TRAF3IP2: variants seen among roughly 807,000 people sequenced by gnomAD.
The protein encoded by TRAF3IP2 is TRAF3 interacting protein 2.
TRAF3IP2 carries 35 observed loss-of-function variants against 57.9 expected under a neutral mutation model. That is an observed-to-expected ratio of 0.60 (90% CI 0.46 to 0.80). TRAF3IP2 has a LOEUF of 0.80. Ranked by LOEUF, TRAF3IP2 falls within the 30% of genes least tolerant of loss-of-function variation. The probability of loss-of-function intolerance (pLI) is 0.00; values close to 1 mark genes in which losing one functional copy is unlikely to be tolerated. For synonymous variants in TRAF3IP2, 251 were observed against 268.9 expected (o/e 0.93, Z 0.65); for missense variants, 556 against 706.4 (o/e 0.79, Z 2.41).
chr6:111,588,491 G>A (rs1298350384), intron 2 of TRAF3IP2, among the ~76,000 whole-genome samples: 3 of 152,218 alleles, frequency 2.0e-5, no homozygotes, highest in East Asian at 1.9e-4. Flanking sequence ...CAATGGCGCT[G>A]TTTCAGCTCC....
At chr6:111,605,575 A>G (rs769112731) in intron 1 of TRAF3IP2, among the ~76,000 whole-genome samples, 1 of 152,224 alleles carries the variant, frequency 6.6e-6, no homozygotes, top group Non-Finnish European at 1.5e-5. Context: ...ATACTATACT[A>G]GCAACACATC....
chr6:111,581,505 T>C (rs1196360612), intron 2 of TRAF3IP2, among the ~76,000 whole-genome samples: 2 of 152,178 alleles, frequency 1.3e-5, no homozygotes, highest in East Asian at 3.8e-4. Flanking sequence ...TTTGATTCTT[T>C]TAAGATCAAC....
chr6:111,593,232 A>G (rs1796574578), intron 1 of TRAF3IP2, among the ~76,000 whole-genome samples: 1 of 152,262 alleles, frequency 6.6e-6, no homozygotes, highest in Admixed American at 6.5e-5. Flanking sequence ...AGTACACAGC[A>G]TACTTCAAAT....
At chr6:111,570,245 T>A (rs764373400) in intron 5 of TRAF3IP2, among the ~76,000 whole-genome samples, 24 of 152,208 alleles carry the variant, frequency 1.6e-4, no homozygotes, top group Non-Finnish European at 2.8e-4. Context: ...AATAAATTTC[T>A]ACGCTTAAGC....
At chr6:111,597,211 G>A (rs552254317) in intron 1 of TRAF3IP2, among the ~76,000 whole-genome samples, 3 of 152,200 alleles carry the variant, frequency 2.0e-5, no homozygotes, top group South Asian at 4.1e-4. Context: ...TATGTGTCAA[G>A]CACCCAAGTT....
intron 1 of TRAF3IP2, 61 bp from the exon 2 acceptor site, chr6:111,592,155 T>C (rs1277774286): frequency 7.1e-7 from 1 of 1,414,350 alleles, no homozygotes; most frequent in African/African-American, 1.4e-5. Flanking sequence ...GAGTCCTCAC[T>C]TTATGACCTT....
Position 111,569,146 on chromosome 6 carries a change from G to T in TRAF3IP2, c.1291-1454C>A, listed in dbSNP as rs73767611. 9.0e-3 allele frequency among the ~76,000 whole-genome samples: 1,374 copies of T among 152,286 alleles called. 19 individuals are homozygous for T. The highest frequency in any genetic ancestry group is 0.032 in the African/African-American group (1,311 of 41,544). ...TTAGATGACTCCTGTTTTCAAATGTGTGATGGCCAACGACTACTCTTGAGA... is the reference window on the plus strand; with the variant it reads ...TTAGATGACTCCTGTTTTCAAATGTTTGATGGCCAACGACTACTCTTGAGA... On this transcript the variant is annotated intron_variant, in intron 5 of 8. Transcript: ENST00000368761.
At chr6:111,595,900 T>C (rs1404648841) in intron 1 of TRAF3IP2, among the ~76,000 whole-genome samples, 1 of 151,812 alleles carries the variant, frequency 6.6e-6, no homozygotes, top group Non-Finnish European at 1.5e-5. Context: ...GAAAACATTC[T>C]TCCTACCTTC....
At chr6:111,595,699 G>A (rs1310835720) in intron 1 of TRAF3IP2, among the ~76,000 whole-genome samples, 18 of 152,140 alleles carry the variant, frequency 1.2e-4, no homozygotes, top group Admixed American at 6.5e-4. Flanking sequence ...ATGATGGCAG[G>A]CACCTGTAAT....
intron 4 of TRAF3IP2, 97 bp downstream of exon 4, chr6:111,575,546 C>T (rs1256894973): frequency 1.5e-6 from 2 of 1,373,780 alleles, no homozygotes; most frequent in Non-Finnish European, 2.0e-6. Flanking sequence ...TGAGATCGCA[C>T]CACTGCACTC....
In TRAF3IP2 at chr6:111,557,002, C is replaced by T. The variant is rs534871451; in HGVS notation, c.*2403G>A. ...ATTAACCAAGCATGTTGGTGCACAC[C>T]TATAGTCCCTGCTACTTGGGAGGCT... On this transcript the variant is annotated 3_prime_UTR_variant, in exon 9 of 9. Transcript: ENST00000368761. The T allele has an allele frequency of 6.8e-6, 1 of 148,090 alleles. No homozygotes were observed. The highest frequency in any genetic ancestry group is 1.5e-5 in the Non-Finnish European group (1 of 65,324). The allele number at this position is 148,090 out of a possible 1,614,324, so 9.2% of individuals were successfully genotyped here.
intron 3 of TRAF3IP2, among the ~76,000 whole-genome samples, chr6:111,578,513 C>T (rs1312489234): frequency 1.3e-5 from 2 of 152,088 alleles, no homozygotes; most frequent in Non-Finnish European, 2.9e-5. Context: ...TGGTAGCGGG[C>T]GTCTGTAGTT....
intron 2 of TRAF3IP2, among the ~76,000 whole-genome samples, chr6:111,586,126 C>A (rs1215547757): frequency 1.3e-5 from 2 of 152,162 alleles, no homozygotes. Context: ...TGCAGGAACT[C>A]CCACAGCTGT....
intron 1 of TRAF3IP2, among the ~76,000 whole-genome samples, chr6:111,598,831 A>T (rs1796773933): frequency 6.6e-6 from 1 of 152,228 alleles, no homozygotes; most frequent in African/African-American, 2.4e-5. Flanking sequence ...AACCAATGCG[A>T]ATGAGGAACT....
chr6:111,555,869 C>T lies in TRAF3IP2; in HGVS notation c.*3536G>A, dbSNP rs1387020809. On this transcript the variant is annotated 3_prime_UTR_variant, in exon 9 of 9. Coordinates refer to ENST00000368761, the MANE Select transcript of TRAF3IP2 (RefSeq NM_147686.4). ...CTGTAATCCCAGCAATTTGGGAGGC[C>T]GAGGCGGATGGATCACGAGGTCAGG... Among the ~76,000 whole-genome samples, 2 of 151,914 alleles carry T rather than the reference C, an allele frequency of 1.3e-5. No homozygotes were observed. The highest frequency in any genetic ancestry group is 2.1e-4 in the South Asian group (1 of 4,810).
intron 5 of TRAF3IP2, among the ~76,000 whole-genome samples, chr6:111,571,653 G>A (rs1795835643): frequency 6.6e-6 from 1 of 152,162 alleles, no homozygotes; most frequent in South Asian, 2.1e-4. Flanking sequence ...TTGGCCGAGT[G>A]CAGTGACTCA....
chr6:111,580,005 T>C (rs553877670), intron 3 of TRAF3IP2, among the ~76,000 whole-genome samples, 192 bp downstream of exon 3: 59 of 152,350 alleles, frequency 3.9e-4, no homozygotes, highest in African/African-American at 1.4e-3. Context: ...TTTCTATGTC[T>C]GATAAAGAGA....
At chr6:111,567,174 TTC>T (rs1795676692) in intron 6 of TRAF3IP2, 1 of 1,003,316 alleles carries the variant, frequency 1.0e-6, no homozygotes, top group Non-Finnish European at 1.2e-6. Flanking sequence ...CCGGTATAGA[TTC>T]TGTCAGTGGA....
chr6:111,563,721 G>A (rs1270326113), intron 7 of TRAF3IP2, among the ~76,000 whole-genome samples: 1 of 152,206 alleles, frequency 6.6e-6, no homozygotes, highest in African/African-American at 2.4e-5. Context: ...GTGTGAAAGT[G>A]TGTTGATGTG....
Sources: allele counts gnomAD v4.1 joint callset (sites outside exome capture counted in the v4.1 genomes callset), GRCh38; gene constraint gnomAD v4.1.1; transcripts MANE v1.5; gene names NCBI Gene and HGNC (gene_info 2026-07-23, HGNC 2026-07-21).